The following ERICH6B variants were observed in gnomAD, a reference collection of about 807,000 sequenced individuals.
The protein encoded by ERICH6B is glutamate rich 6B, also known as glutamate-rich protein 6B.
ERICH6B carries 69 observed loss-of-function variants against 80.0 expected under a neutral mutation model. The observed-to-expected ratio is 0.86, with a 90% CI of 0.71 to 1.05. The LOEUF is 1.05. ERICH6B is among the 50% of genes least tolerant of loss of function. The pLI is 0.00. For synonymous variants in ERICH6B, 283 were observed against 291.9 expected (o/e 0.97, Z 0.31); for missense variants, 754 against 796.1 (o/e 0.95, Z 0.64).
chr13:45,566,262 G>C (rs1874908726), intron 9 of ERICH6B, among the ~76,000 whole-genome samples: 1 of 152,200 alleles, frequency 6.6e-6, no homozygotes, highest in African/African-American at 2.4e-5. Flanking sequence ...CTTGCAGCCT[G>C]ACAATGCAAT....
chr13:45,580,130 A>T (rs894909509), intron 6 of ERICH6B, among the ~76,000 whole-genome samples, 156 bp from the exon 7 acceptor site: 1 of 152,132 alleles, frequency 6.6e-6, no homozygotes, highest in Non-Finnish European at 1.5e-5. Context: ...GCCTTCCTTG[A>T]TCTTCAGCAG....
At chr13:45,583,698 A>G (rs1000841787) in intron 5 of ERICH6B, among the ~76,000 whole-genome samples, 2 of 152,184 alleles carry the variant, frequency 1.3e-5, no homozygotes, top group African/African-American at 4.8e-5. Context: ...AATAAGTCTC[A>G]TGGACCTGAT....
chr13:45,574,808 T>TTGG (rs769415587), intron 8 of ERICH6B, 34 bp downstream of exon 8: 1 of 1,328,780 alleles, frequency 7.5e-7, no homozygotes, highest in South Asian at 1.3e-5. Context: ...TGGAGGAAGC[T>TTGG]GGGGGGGGGG....
intron 1 of ERICH6B, among the ~76,000 whole-genome samples, chr13:45,611,590 CAG>C (rs1949900143): frequency 6.6e-6 from 1 of 152,140 alleles, no homozygotes; most frequent in South Asian, 2.1e-4. Context: ...CCATGACAAA[CAG>C]GGCATTGTTC....
At chr13:45,549,283 A>AC (rs1167515629) in intron 13 of ERICH6B, among the ~76,000 whole-genome samples, 1 of 145,348 alleles carries the variant, frequency 6.9e-6, no homozygotes, top group African/African-American at 2.5e-5. Context: ...ACTCCGTCAC[A>AC]AAAAAAAAAA....
intron 2 of ERICH6B, among the ~76,000 whole-genome samples, 166 bp downstream of exon 2, chr13:45,607,398 G>A (rs934202299): frequency 1.3e-5 from 2 of 152,362 alleles, no homozygotes; most frequent in Middle Eastern, 3.4e-3. Flanking sequence ...TGCTGTTTCT[G>A]TAGGAAAATA....
intron 11 of ERICH6B, among the ~76,000 whole-genome samples, chr13:45,553,632 A>C (rs1874315155): frequency 6.6e-6 from 1 of 152,170 alleles, no homozygotes; most frequent in African/African-American, 2.4e-5. Flanking sequence ...ACTATCATTA[A>C]TTCCTGTTTA....
intron 11 of ERICH6B, chr13:45,555,334 G>A (rs1222997981): frequency 3.3e-5 from 5 of 152,166 alleles, no homozygotes; most frequent in Non-Finnish European, 7.3e-5. Context: ...TAGGAGTTCT[G>A]ACTGGTCCCA....
At chr13:45,561,870 A>G (rs1874696677) in intron 10 of ERICH6B, among the ~76,000 whole-genome samples, 1 of 152,216 alleles carries the variant, frequency 6.6e-6, no homozygotes, top group African/African-American at 2.4e-5. Flanking sequence ...GAAAATGCCA[A>G]CTACAACGTA....
Position 45,615,227 on chromosome 13 carries a change from T to C in ERICH6B, c.-111+458A>G, listed in dbSNP as rs146012966. Among the ~76,000 whole-genome samples the C allele has an allele frequency of 4.3e-3, 660 of 152,298 alleles. 1 individual carries two copies. Among genetic ancestry groups the C allele is most frequent in the Non-Finnish European group, 7.8e-3 (533 of 68,022 alleles). ...AGGAAACAGGGGAAGCTGAGTGACTTGCCTTTGGGCCACAGGAGTCGCTTC... is the reference window on the plus strand; with the variant it reads ...AGGAAACAGGGGAAGCTGAGTGACTCGCCTTTGGGCCACAGGAGTCGCTTC... On this transcript the variant is annotated intron_variant, in intron 1 of 14. Transcript: ENST00000298738.
chr13:45,542,232 G>C (rs958800820), intron 14 of ERICH6B, among the ~76,000 whole-genome samples: 1 of 152,174 alleles, frequency 6.6e-6, no homozygotes, highest in African/African-American at 2.4e-5. Context: ...GACGATACCC[G>C]TGTGCTCCAT....
chr13:45,590,775 C>G, intron 3 of ERICH6B, 78 bp from the exon 4 acceptor site: 1 of 1,193,768 alleles, frequency 8.4e-7, no homozygotes, highest in African/African-American at 1.5e-5. Context: ...TTGTTAAGTA[C>G]GTGGAGAGGG....
At chr13:45,579,809 C>A in intron 7 of ERICH6B, 124 bp downstream of exon 7, 1 of 885,816 alleles carries the variant, frequency 1.1e-6, no homozygotes. Flanking sequence ...GGATGCCCCT[C>A]AGTCCCCTCT....
At chr13:45,574,055 A>G (rs768385794) in intron 8 of ERICH6B, among the ~76,000 whole-genome samples, 15 of 152,236 alleles carry the variant, frequency 9.9e-5, no homozygotes, top group Non-Finnish European at 2.2e-4. Flanking sequence ...TTTCTCAATT[A>G]AAAACATTTA....
At chr13:45,557,107 T>A (rs899002330) in intron 11 of ERICH6B, among the ~76,000 whole-genome samples, 3 of 152,184 alleles carry the variant, frequency 2.0e-5, no homozygotes. Flanking sequence ...TCTATTATTT[T>A]TTGATTTTTT....
intron 11 of ERICH6B, chr13:45,555,492 T>C (rs529628681): frequency 2.6e-5 from 4 of 152,242 alleles, no homozygotes; most frequent in Non-Finnish European, 5.9e-5. Context: ...GCCACACTCA[T>C]GATGTAAAGC....
chr13:45,553,821 T>A (rs1481843520), intron 11 of ERICH6B, among the ~76,000 whole-genome samples: 1 of 152,188 alleles, frequency 6.6e-6, no homozygotes, highest in Non-Finnish European at 1.5e-5. Flanking sequence ...AAAAGCCCTT[T>A]AAAATTTTTT....
At chr13:45,575,356 G>T (rs1304445819) in intron 7 of ERICH6B, among the ~76,000 whole-genome samples, 1 of 152,198 alleles carries the variant, frequency 6.6e-6, no homozygotes, top group Admixed American at 6.5e-5. Context: ...CACATGGCAG[G>T]GGGAACCCTA....
At chr13:45,601,473 CT>C (rs1566305850) in intron 2 of ERICH6B, among the ~76,000 whole-genome samples, 1 of 152,082 alleles carries the variant, frequency 6.6e-6, no homozygotes, top group East Asian at 1.9e-4. Flanking sequence ...CAGCCCTCCC[CT>C]GGGAGAGGTG....
Sources: allele counts gnomAD v4.1 joint callset (sites outside exome capture counted in the v4.1 genomes callset), GRCh38; gene constraint gnomAD v4.1.1; transcripts MANE v1.5; gene names NCBI Gene and HGNC (gene_info 2026-07-23, HGNC 2026-07-21).